The following MDH1 variants were observed in gnomAD, a reference collection of about 807,000 sequenced individuals.
The protein encoded by MDH1 is malate dehydrogenase 1, also known as malate dehydrogenase, cytoplasmic.
MDH1 carries 15 observed loss-of-function variants against 38.7 expected under a neutral mutation model. The observed-to-expected ratio is 0.39, with a 90% CI of 0.26 to 0.60. The LOEUF is 0.60. Among genes scored for constraint, MDH1 ranks in the 20% least tolerant of loss-of-function variants. The pLI, the probability that MDH1 is intolerant of heterozygous loss-of-function variation, is 0.56. For synonymous variants in MDH1, 144 were observed against 143.6 expected (o/e 1.00, Z -0.02); for missense variants, 368 against 405.2 (o/e 0.91, Z 0.79).
chr2:63,593,311 C>G (rs1049101753), intron 1 of MDH1: 12 of 272,576 alleles, frequency 4.4e-5, no homozygotes, highest in Non-Finnish European at 8.9e-5. Flanking sequence ...TCAGGCTGGT[C>G]TCAAACTCCC....
Position 63,597,565 on chromosome 2 carries a change from G to A in MDH1, c.366G>A (p.Lys122=), listed in dbSNP as rs1709341004. ...CAGCCTTAGATAAATACGCCAAGAA[G>A]TCAGTTAAGGTGACCAATGCTGTAT... ...QGAALDKYAK[K]SVKVIVVGNP... is the part of the protein sequence containing the mutation. Residue 122 remains lysine, a synonymous_variant, in exon 4 of 9, where the codon AAG becomes AAA. Transcript: ENST00000233114. The A allele has an allele frequency of 2.1e-6, 3 of 1,406,838 alleles. No individual in the cohort carries two copies. Among genetic ancestry groups the A allele is most frequent in the South Asian group, 1.7e-5 (1 of 57,332 alleles). 87.1% of individuals were successfully genotyped at this position (1,406,838 alleles called of 1,614,324 possible). A position where few individuals can be genotyped will look rare whatever the true frequency, so the allele number is the denominator to read the frequency against.
At position 63,594,243 on chromosome 2, in the gene MDH1, A is replaced by C. The variant is rs1348981273; in HGVS notation, c.4-245A>C. On this transcript the variant is annotated intron_variant, in intron 1 of 8. Transcript: ENST00000233114. Reference sequence around the variant, plus strand: ...GCCTATTTTAGTGGTAAAATATCCCAAAAAAGGTGGATAAGATTATGTAAG... The same window carrying C: ...GCCTATTTTAGTGGTAAAATATCCCCAAAAAGGTGGATAAGATTATGTAAG... The C allele has an allele frequency of 1.0e-4, 60 of 583,800 alleles. 1 individual carries two copies. The highest frequency in any genetic ancestry group is 8.1e-4 in the South Asian group (58 of 72,048). 36.2% of individuals were successfully genotyped at this position (583,800 alleles called of 1,614,324 possible).
At chr2:63,605,053 T>C (rs1709501030) in intron 6 of MDH1, among the ~76,000 whole-genome samples, 181 bp downstream of exon 6, 1 of 152,218 alleles carries the variant, frequency 6.6e-6, no homozygotes, top group Non-Finnish European at 1.5e-5. Flanking sequence ...TTGAGATTTA[T>C]ACCAAGATCC....
At chr2:63,596,155 T>C (rs1171143556) in intron 3 of MDH1, among the ~76,000 whole-genome samples, 2 of 152,234 alleles carry the variant, frequency 1.3e-5, no homozygotes, top group African/African-American at 4.8e-5. Flanking sequence ...TTTATTAAAA[T>C]ATTCTAAATT....
At position 63,605,979 on chromosome 2, in the gene MDH1, C is replaced by T; in HGVS notation, c.830C>T (p.Ser277Phe). ...ATGGGTGTTATCTCTGATGGCAACT[C>T]CTATGGTGTTCCTGATGATCTGCTC... ...VSMGVISDGNSYGVPDDLLYS... is the reference protein window; with the variant it reads ...VSMGVISDGNFYGVPDDLLYS... Residue 277 changes from serine to phenylalanine, a missense_variant, in exon 8 of 9, where the codon TCC becomes TTC. Transcript: ENST00000233114. 2 of 1,614,140 alleles carry T rather than the reference C, an allele frequency of 1.2e-6. No homozygotes were observed. Among genetic ancestry groups the T allele is most frequent in the Non-Finnish European group, 8.5e-7 (1 of 1,180,022 alleles).
In MDH1 at chr2:63,607,111, T is replaced by G. The variant is rs951663652; in HGVS notation, c.*124T>G. 3.2e-6 allele frequency: 3 copies of G among 951,428 alleles called. No individual in the cohort carries two copies. In the Admixed American group the frequency reaches 8.6e-5, roughly 27 times the overall value. The allele number at this position is 951,428 out of a possible 1,614,324, so 58.9% of individuals were successfully genotyped here. A position where few individuals can be genotyped will look rare whatever the true frequency, so the allele number is the denominator to read the frequency against. ...GTGAAAAACAACACATTTTAAAGAT[T>G]ACGTGCTTCTTGGTACAGGTTTGTG... On this transcript the variant is annotated 3_prime_UTR_variant, in exon 9 of 9. Transcript: ENST00000233114.
At position 63,597,467 on chromosome 2, in the gene MDH1, A is replaced by G; in HGVS notation, c.268A>G (p.Met90Val). 6.6e-7 allele frequency: 1 copy of G among 1,512,894 alleles called. No homozygotes were observed. Among genetic ancestry groups the G allele is most frequent in the South Asian group, 1.3e-5 (1 of 76,056 alleles). The allele number at this position is 1,512,894 out of a possible 1,614,324, so 93.7% of individuals were successfully genotyped here. A position where few individuals can be genotyped will look rare whatever the true frequency, so the allele number is the denominator to read the frequency against. The change falls in exon 4 of 9, where the codon ATG becomes GTG. Residue 90 changes from methionine to valine, a missense_variant. Transcript: ENST00000233114. ...GGATGTGGCCATTCTTGTGGGCTCC[A>G]TGCCAAGAAGGGAAGGCATGGAGAG... is the stretch of plus-strand genomic sequence containing the variant. Reference protein sequence around the residue: ...DLDVAILVGSMPRREGMERKD... With the variant: ...DLDVAILVGSVPRREGMERKD...
rs764322254 is a variant in MDH1, at chr2:63,605,891, G to A, written c.790-48G>A. 2.1e-6 allele frequency: 3 copies of A among 1,450,464 alleles called. No individual in the cohort carries two copies. In the South Asian group the frequency reaches 3.4e-5, roughly 17 times the overall value. The allele number at this position is 1,450,464 out of a possible 1,614,324, so 89.8% of individuals were successfully genotyped here. On this transcript the variant is annotated intron_variant, in intron 7 of 8. Transcript: ENST00000233114. ...TTTAATTTTATTAGTTCATGTGTCA[G>A]TTGTGTAAACTAATCATCATGAGTA...
Position 63,605,924 on chromosome 2 carries a change from C to T in MDH1, c.790-15C>T. On this transcript the variant is annotated splice_polypyrimidine_tract_variant and intron_variant, in intron 7 of 8. Transcript: ENST00000233114. Reference sequence around the variant, plus strand: ...AACTAATCATCATGAGTATGTGAAACATTGTTATTTTCAGGGAGAGTTTGT... The same window carrying T: ...AACTAATCATCATGAGTATGTGAAATATTGTTATTTTCAGGGAGAGTTTGT... 2.5e-6 allele frequency: 4 copies of T among 1,605,052 alleles called. No homozygotes were observed. The highest frequency in any genetic ancestry group is 2.2e-5 in the South Asian group (2 of 90,870).
At chr2:63,604,945 T>C in intron 6 of MDH1, 73 bp downstream of exon 6, 1 of 1,477,550 alleles carries the variant, frequency 6.8e-7, no homozygotes. Context: ...ACAGAAAACC[T>C]TAAAGAGGGC....
chr2:63,605,242 C>A, intron 6 of MDH1, 38 bp from the exon 7 acceptor site: 1 of 1,361,240 alleles, frequency 7.3e-7, no homozygotes, highest in Non-Finnish European at 1.0e-6. Context: ...GCTATCATGA[C>A]CAAGTAATAC....
chr2:63,604,854 C>G lies in MDH1; in HGVS notation c.657C>G (p.Leu219=). 6.2e-7 allele frequency: 1 copy of G among 1,614,090 alleles called. No individual in the cohort carries two copies. The change falls in exon 6 of 9, where the codon CTC becomes CTG. Residue 219 remains leucine (L), a synonymous_variant. Transcript: ENST00000233114. ...VYEALKDDSW[L]KGEFVTTVQQ... is the part of the protein sequence containing the mutation. ...AAGCTCTGAAAGATGACAGCTGGCT[C>G]AAGGGAGAATTTGTCACGGTAAGAA...
chr2:63,605,864 G>C, intron 7 of MDH1, 75 bp from the exon 8 acceptor site: 1 of 1,208,446 alleles, frequency 8.3e-7, no homozygotes, highest in Non-Finnish European at 1.2e-6. Context: ...AGGGTCACCT[G>C]GTTTAATTTT....
chr2:63,602,934 C>CTTTTTTTTTTT lies in MDH1; in HGVS notation c.499-1729_499-1719dup, dbSNP rs370479356. On this transcript the variant is annotated intron_variant, in intron 5 of 8. Transcript: ENST00000233114. ...ACATAATACAGTTTATTTAACCGTT[C>CTTTTTTTTTTT]TTTTTTTTTTTTTTTTTTTTTTTTT... 1.5e-3 allele frequency among the ~76,000 whole-genome samples: 197 copies of CTTTTTTTTTTT among 131,526 alleles called. 18 individuals are homozygous for CTTTTTTTTTTT. Among genetic ancestry groups the CTTTTTTTTTTT allele is most frequent in the Non-Finnish European group, 2.6e-3 (154 of 59,542 alleles). 86.3% of individuals were successfully genotyped at this position (131,526 alleles called of 152,430 possible).
intron 8 of MDH1, among the ~76,000 whole-genome samples, 192 bp from the exon 9 acceptor site, chr2:63,606,670 T>G (rs1223195960): frequency 6.6e-6 from 1 of 152,044 alleles, no homozygotes; most frequent in Non-Finnish European, 1.5e-5. Flanking sequence ...TTTTTTTTTT[T>G]AGATTCAAGG....
intron 6 of MDH1, 41 bp from the exon 7 acceptor site, chr2:63,605,239 T>C (rs1558863795): frequency 7.5e-7 from 1 of 1,336,446 alleles, no homozygotes; most frequent in Non-Finnish European, 1.1e-6. Flanking sequence ...TTTGCTATCA[T>C]GACCAAGTAA....
intron 5 of MDH1, 30 bp downstream of exon 5, chr2:63,599,322 T>C (rs1340102828): frequency 2.5e-6 from 4 of 1,591,356 alleles, no homozygotes; most frequent in Non-Finnish European, 3.4e-6. Flanking sequence ...AATCTTGTGG[T>C]TGTTCAACTT....
chr2:63,592,465 C>T (rs917980829), intron 1 of MDH1, among the ~76,000 whole-genome samples: 3 of 152,202 alleles, frequency 2.0e-5, no homozygotes, highest in African/African-American at 7.2e-5. Context: ...ATTCTCCTAC[C>T]TCAGCCTCCT....
rs574874073 is a variant in MDH1 at position 63,588,987 on chromosome 2, C to G, written c.-57C>G. The stretch of plus-strand genomic sequence containing the variant: ...CGAGTCAGTTCCGCGGTAGAGGTGA[C>G]CTGACTCTCTGAGGCTCATTTTGCA... On this transcript the variant is annotated 5_prime_UTR_variant, in exon 1 of 9. Coordinates refer to ENST00000233114, the MANE Select transcript of MDH1 (RefSeq NM_005917.4). The G allele has an allele frequency of 1.2e-6, 2 of 1,613,670 alleles. No homozygotes were observed. Among genetic ancestry groups the G allele is most frequent in the East Asian group, 2.2e-5 (1 of 44,886 alleles).
Sources: allele counts gnomAD v4.1 joint callset (sites outside exome capture counted in the v4.1 genomes callset), GRCh38; gene constraint gnomAD v4.1.1; transcripts MANE v1.5; gene names NCBI Gene and HGNC (gene_info 2026-07-23, HGNC 2026-07-21).